Variants in HECW2 observed in about 807,000 individuals in gnomAD.
HECW2 encodes the protein E3 ubiquitin-protein ligase HECW2.
In HECW2, 61 loss-of-function variants were observed where a neutral mutation model predicts 175.2. The observed-to-expected ratio is 0.35, with a 90% confidence interval of 0.28 to 0.43. The LOEUF is 0.43. Among genes scored for constraint, HECW2 ranks in the 20% least tolerant of loss-of-function variants. The probability of loss-of-function intolerance (pLI) is 1.00; values close to 1 mark genes in which losing one functional copy is unlikely to be tolerated. For synonymous variants in HECW2, 671 were observed against 731.0 expected, an observed-to-expected ratio of 0.92 and a Z score of 1.32; for missense variants, 1,524 against 2,000.5, an observed-to-expected ratio of 0.76 and a Z score of 4.54.
At chr2:196,242,500 CA>C (rs1233967238) in intron 19 of HECW2, 1 of 350,968 alleles carries the variant, frequency 2.8e-6, no homozygotes, top group Non-Finnish European at 5.4e-6. Flanking sequence ...ATGAGTCAAA[CA>C]GAGTTACTCA....
chr2:196,240,462 C>G lies in HECW2; in HGVS notation c.3751G>C (p.Val1251Leu). Residue 1251 changes from valine to leucine, a missense_variant, in exon 21 of 29, where the codon GTT becomes CTT. By Grantham distance (32) the Val-to-Leu change is conservative (BLOSUM62 1). Around this residue, in one of 11 missense-constraint regions of HECW2, gnomAD observed 291 missense variants for 412.2 expected, o/e 0.71. Coordinates refer to ENST00000644978, the MANE Select transcript of HECW2 (RefSeq NM_001348768.2). The stretch of plus-strand genomic sequence containing the variant: ...TGTTCTACTCACCCTTCCTCCCCAA[C>G]GAAGGTGACATATAGCTTATTTCTC... ...LQRNKLYVTF[V>L]GEEGLDYSGP... The G allele has an allele frequency of 6.2e-7, 1 of 1,608,472 alleles. No homozygotes were observed. The highest frequency in any genetic ancestry group is 8.5e-7 in the Non-Finnish European group (1 of 1,177,716).
At chr2:196,310,683 G>A (rs1433473735) in intron 10 of HECW2, among the ~76,000 whole-genome samples, 2 of 152,128 alleles carry the variant, frequency 1.3e-5, no homozygotes, top group Non-Finnish European at 1.5e-5. Context: ...TTAGAAGGCT[G>A]AGGACTTAAC....
In HECW2 at chr2:196,242,216, C is replaced by A. The variant is rs1007548333; in HGVS notation, c.3530-12G>T. 6.2e-7 allele frequency: 1 copy of A among 1,613,924 alleles called. No individual in the cohort carries two copies. Among genetic ancestry groups the A allele is most frequent in the Non-Finnish European group, 8.5e-7 (1 of 1,180,012 alleles). On this transcript the variant is annotated splice_polypyrimidine_tract_variant and intron_variant, in intron 19 of 28. Coordinates refer to ENST00000644978, the MANE Select transcript of HECW2 (RefSeq NM_001348768.2). ...GGCACGCTGGGTACCTGCAGCAAACCACAAAGAGAGGACAATCTGGATTTG... is the reference window on the plus strand; with the variant it reads ...GGCACGCTGGGTACCTGCAGCAAACAACAAAGAGAGGACAATCTGGATTTG...
chr2:196,390,590 C>T (rs1694477005), intron 2 of HECW2, among the ~76,000 whole-genome samples: 1 of 152,160 alleles, frequency 6.6e-6, no homozygotes, highest in African/African-American at 2.4e-5. Context: ...TGCACTAATT[C>T]ATAATGTGGT....
At chr2:196,355,071 C>T (rs1243894904) in intron 2 of HECW2, among the ~76,000 whole-genome samples, 1 of 152,170 alleles carries the variant, frequency 6.6e-6, no homozygotes, top group Non-Finnish European at 1.5e-5. Flanking sequence ...TTACTTACAT[C>T]AAACAAGAAA....
chr2:196,346,516 C>T (rs1559056990), intron 2 of HECW2, among the ~76,000 whole-genome samples: 1 of 152,144 alleles, frequency 6.6e-6, no homozygotes, highest in Non-Finnish European at 1.5e-5. Context: ...TACTTGCATA[C>T]CCTTGCTTAG....
At chr2:196,416,175 A>G (rs1695252315) in intron 2 of HECW2, among the ~76,000 whole-genome samples, 1 of 152,220 alleles carries the variant, frequency 6.6e-6, no homozygotes, top group Non-Finnish European at 1.5e-5. Context: ...CAGTTTAGAG[A>G]AAGATGAATA....
Position 196,289,078 on chromosome 2 carries a change from A to G in HECW2, c.3000+3487T>C, listed in dbSNP as rs78985796. On this transcript the variant is annotated intron_variant, in intron 14 of 28. Coordinates refer to ENST00000644978, the MANE Select transcript of HECW2 (RefSeq NM_001348768.2). ...CTACATACTCCAGAATACTACACTA[A>G]GTGGTAAATTTTTATCATTGTTAGC... 7 of 152,388 alleles carry G rather than the reference A, an allele frequency of 4.6e-5. No individual in the cohort carries two copies. The East Asian group carries it at 1.3e-3, about 29-fold the overall frequency. The allele number at this position is 152,388 out of a possible 1,614,324, so 9.4% of individuals were successfully genotyped here. A position where few individuals can be genotyped will look rare whatever the true frequency, so the allele number is the denominator to read the frequency against.
intron 1 of HECW2, among the ~76,000 whole-genome samples, chr2:196,511,437 A>G (rs1687949641): frequency 6.6e-6 from 1 of 152,206 alleles, no homozygotes; most frequent in African/African-American, 2.4e-5. Context: ...CCTACCCTCA[A>G]GCCTACTTCA....
intron 2 of HECW2, among the ~76,000 whole-genome samples, chr2:196,349,238 T>A (rs1484227305): frequency 1.3e-5 from 2 of 152,216 alleles, no homozygotes; most frequent in African/African-American, 4.8e-5. Flanking sequence ...CCATCCTCAT[T>A]CCTATTTCCT....
intron 1 of HECW2, among the ~76,000 whole-genome samples, chr2:196,437,920 T>C (rs1017634081): frequency 3.3e-5 from 5 of 151,866 alleles, no homozygotes; most frequent in Middle Eastern, 3.4e-3. Flanking sequence ...GTGGTAAAAG[T>C]GGGGTAAAGA....
chr2:196,483,989 A>G (rs1294924240), intron 1 of HECW2, among the ~76,000 whole-genome samples: 4 of 152,214 alleles, frequency 2.6e-5, no homozygotes, highest in Non-Finnish European at 5.9e-5. Flanking sequence ...ATGGTTAAAA[A>G]GGCAAGACAG....
At chr2:196,485,185 T>C (rs1465024462) in intron 1 of HECW2, among the ~76,000 whole-genome samples, 3 of 152,240 alleles carry the variant, frequency 2.0e-5, no homozygotes, top group South Asian at 2.1e-4. Flanking sequence ...AAGAGTTCTA[T>C]TGGAGCACCG....
At chr2:196,541,705 A>G (rs1689220889) in intron 1 of HECW2, among the ~76,000 whole-genome samples, 1 of 151,526 alleles carries the variant, frequency 6.6e-6, no homozygotes, top group African/African-American at 2.4e-5. Context: ...TTACATTTAA[A>G]GATCCCTATA....
At chr2:196,414,337 C>T (rs570644821) in intron 2 of HECW2, among the ~76,000 whole-genome samples, 1 of 152,302 alleles carries the variant, frequency 6.6e-6, no homozygotes, top group African/African-American at 2.4e-5. Flanking sequence ...CCCTACCTGT[C>T]CTCCATTCCT....
intron 17 of HECW2, among the ~76,000 whole-genome samples, chr2:196,258,721 C>T (rs1689166491): frequency 6.6e-6 from 1 of 152,118 alleles, no homozygotes; most frequent in Non-Finnish European, 1.5e-5. Context: ...TTTCAAAGCA[C>T]ACCATATTAA....
chr2:196,270,709 AT>A (rs11306668), intron 17 of HECW2, among the ~76,000 whole-genome samples: 106,825 of 150,066 alleles, frequency 0.71, 38,534 homozygotes, highest in South Asian at 0.8. Context: ...ACCTTTATTT[AT>A]TTTTTTTTTG....
At chr2:196,344,554 C>A (rs1341635206) in intron 2 of HECW2, among the ~76,000 whole-genome samples, 11 of 152,052 alleles carry the variant, frequency 7.2e-5, no homozygotes, top group Non-Finnish European at 1.6e-4. Flanking sequence ...CTGCCCCCAG[C>A]ACCCTGAGGA....
chr2:196,438,256 T>A (rs971408928), intron 1 of HECW2, among the ~76,000 whole-genome samples: 1 of 152,192 alleles, frequency 6.6e-6, no homozygotes, highest in African/African-American at 2.4e-5. Flanking sequence ...AAACCAGCAC[T>A]GTCCAATTGA....
Sources: allele counts gnomAD v4.1 joint callset (sites outside exome capture counted in the v4.1 genomes callset), GRCh38; gene constraint gnomAD v4.1.1; regional missense constraint gnomAD v4.1.1; transcripts MANE v1.5; gene names NCBI Gene and HGNC (gene_info 2026-07-23, HGNC 2026-07-21).